KMO: variants seen among roughly 807,000 people sequenced by gnomAD.
The protein encoded by KMO is kynurenine 3-monooxygenase.
In KMO, 24 loss-of-function variants were observed where a neutral mutation model predicts 57.8. That is an observed-to-expected ratio of 0.42 (90% confidence interval 0.30 to 0.58). The LOEUF (loss-of-function observed/expected upper bound fraction) is 0.58, where lower values mean the gene tolerates loss of function less well. Ranked by LOEUF, KMO falls within the 20% of genes least tolerant of loss-of-function variation. The probability of loss-of-function intolerance (pLI) is 0.22; values close to 1 mark genes in which losing one functional copy is unlikely to be tolerated. For missense variants in KMO, 483 were observed against 588.2 expected (o/e 0.82, Z 1.85); for synonymous variants, 210 against 193.6 (o/e 1.08, Z -0.70).
intron 10 of KMO, among the ~76,000 whole-genome samples, chr1:241,580,995 A>T (rs1043186619): frequency 6.6e-6 from 1 of 151,992 alleles, no homozygotes; most frequent in African/African-American, 2.4e-5. Context: ...TTTGCTTTCT[A>T]TATCTGGGTG....
intron 1 of KMO, among the ~76,000 whole-genome samples, chr1:241,546,313 C>G (rs775828277): frequency 6.6e-6 from 1 of 152,176 alleles, no homozygotes; most frequent in Non-Finnish European, 1.5e-5. Flanking sequence ...AAGTCCTCAG[C>G]CTCTCTTGCA....
At position 241,566,586 on chromosome 1, in the gene KMO, T is replaced by A; in HGVS notation, c.783T>A (p.Phe261Leu). The change falls in exon 9 of 15, where the codon TTT becomes TTA. Residue 261 changes from phenylalanine (F) to leucine (L), a missense_variant. Physicochemically the swap from Phe to Leu is conservative, Grantham distance 22. Coordinates refer to ENST00000366559, the MANE Select transcript of KMO (RefSeq NM_003679.5). ...TGGTAGATTTCTTCCAGAAATACTT[T>A]CCGGATGCCATCCCTCTAATTGGAG... ...NDVVDFFQKY[F>L]PDAIPLIGEK... The A allele has an allele frequency of 6.2e-7, 1 of 1,613,978 alleles. No homozygotes were observed. The highest frequency in any genetic ancestry group is 8.5e-7 in the Non-Finnish European group (1 of 1,179,880).
At chr1:241,587,376 C>T (rs568679875) in intron 11 of KMO, among the ~76,000 whole-genome samples, 36 of 152,280 alleles carry the variant, frequency 2.4e-4, no homozygotes, top group African/African-American at 7.9e-4. Flanking sequence ...GGCCATGGAC[C>T]GAGGGTTGGG....
At position 241,594,736 on chromosome 1, in the gene KMO, C is replaced by T; in HGVS notation, c.*2583C>T. The T allele has an allele frequency of 6.3e-7, 1 of 1,587,716 alleles. No individual in the cohort carries two copies. Among genetic ancestry groups the T allele is most frequent in the Non-Finnish European group, 8.6e-7 (1 of 1,167,704 alleles). On this transcript the variant is annotated 3_prime_UTR_variant, in exon 15 of 15. Coordinates refer to ENST00000366559, the MANE Select transcript of KMO (RefSeq NM_003679.5). ...AGTGGAATATTAAGTAAAAGTTGGG[C>T]ACTAATCTGGATTAACATTCGAGGA...
At chr1:241,575,062 T>C (rs936420842) in intron 10 of KMO, among the ~76,000 whole-genome samples, 1 of 152,000 alleles carries the variant, frequency 6.6e-6, no homozygotes, top group South Asian at 2.1e-4. Flanking sequence ...CAAAAAGGTG[T>C]TCCTAGTAGT....
At chr1:241,574,493 A>G (rs552147655) in intron 10 of KMO, among the ~76,000 whole-genome samples, 36 of 150,826 alleles carry the variant, frequency 2.4e-4, no homozygotes, top group Non-Finnish European at 3.3e-4. Flanking sequence ...TCTGGATTTT[A>G]TAGAATGCTT....
intron 4 of KMO, among the ~76,000 whole-genome samples, chr1:241,554,797 C>A (rs1661548507): frequency 6.9e-6 from 1 of 145,148 alleles, no homozygotes; most frequent in African/African-American, 2.5e-5. Context: ...ATGGCAAAAC[C>A]CCATTTCTAC....
At chr1:241,581,744 T>C (rs568644855) in intron 10 of KMO, among the ~76,000 whole-genome samples, 1 of 152,250 alleles carries the variant, frequency 6.6e-6, no homozygotes, top group East Asian at 1.9e-4. Context: ...AAAAAGTTCT[T>C]GTAATTATTA....
At chr1:241,585,283 A>C (rs919211269) in intron 10 of KMO, among the ~76,000 whole-genome samples, 2 of 152,082 alleles carry the variant, frequency 1.3e-5, no homozygotes, top group African/African-American at 4.8e-5. Flanking sequence ...AATAATGTCT[A>C]CCTCAGAGAG....
intron 1 of KMO, among the ~76,000 whole-genome samples, chr1:241,543,962 GA>G (rs1453903068): frequency 6.6e-6 from 1 of 152,122 alleles, no homozygotes; most frequent in African/African-American, 2.4e-5. Flanking sequence ...TTTCATCAAA[GA>G]AAAAGAACGT....
intron 8 of KMO, 119 bp from the exon 9 acceptor site, chr1:241,566,372 G>T: frequency 1.8e-6 from 2 of 1,131,242 alleles, no homozygotes; most frequent in Non-Finnish European, 2.5e-6. Context: ...CTGTCTGCTT[G>T]GACATTCCTT....
In KMO at chr1:241,594,265, C is replaced by A; in HGVS notation, c.*2112C>A. ...ATTAAAAGAATTTGTTTTTGTTCAA[C>A]CTCTTCCTGAGGCCCAAGAGCATAT... On this transcript the variant is annotated 3_prime_UTR_variant, in exon 15 of 15. Coordinates refer to ENST00000366559, the MANE Select transcript of KMO (RefSeq NM_003679.5). 1 of 718,742 alleles carries A rather than the reference C, an allele frequency of 1.4e-6. No homozygotes were observed. The highest frequency in any genetic ancestry group is 2.7e-5 in the East Asian group (1 of 37,040). 44.5% of individuals were successfully genotyped at this position (718,742 alleles called of 1,614,324 possible).
At position 241,566,596 on chromosome 1, in the gene KMO, A is replaced by G; in HGVS notation, c.793A>G (p.Ile265Val). 1 of 1,613,908 alleles carries G rather than the reference A, an allele frequency of 6.2e-7. No individual in the cohort carries two copies. Among genetic ancestry groups the G allele is most frequent in the Non-Finnish European group, 8.5e-7 (1 of 1,179,844 alleles). Residue 265 changes from isoleucine (I) to valine (V), a missense_variant, in exon 9 of 15, where the codon ATC (isoleucine) becomes GTC (valine). This residue lies in a region of KMO where 410 missense variants were observed against 492.3 expected (regional missense o/e 0.83). Coordinates refer to ENST00000366559, the MANE Select transcript of KMO (RefSeq NM_003679.5). ...DFFQKYFPDA[I>V]PLIGEKLLVQ... is the part of the protein sequence containing the mutation. ...CTTCCAGAAATACTTTCCGGATGCCATCCCTCTAATTGGAGAGTAAGTTGC... is the reference window on the plus strand; with the variant it reads ...CTTCCAGAAATACTTTCCGGATGCCGTCCCTCTAATTGGAGAGTAAGTTGC...
At chr1:241,560,555 A>G (rs1221279775) in intron 5 of KMO, 110 bp from the exon 6 acceptor site, 26 of 752,800 alleles carry the variant, frequency 3.5e-5, no homozygotes, top group Non-Finnish European at 5.5e-5. Context: ...ATTGTTATGA[A>G]TAAAATTCTC....
In KMO at chr1:241,594,093, C is replaced by T. The variant is rs1029126296; in HGVS notation, c.*1940C>T. On this transcript the variant is annotated 3_prime_UTR_variant, in exon 15 of 15. Coordinates refer to ENST00000366559, the MANE Select transcript of KMO (RefSeq NM_003679.5). ...AGTTATTTTTACAGTAAGGTATTTT[C>T]GAGAAAAATGCATTACGTGTTTTGG... 2.4e-5 allele frequency: 6 copies of T among 252,218 alleles called. No individual in the cohort carries two copies. The highest frequency in any genetic ancestry group is 1.5e-4 in the Admixed American group (3 of 19,402). 15.6% of individuals were successfully genotyped at this position (252,218 alleles called of 1,614,324 possible). A position where few individuals can be genotyped will look rare whatever the true frequency, so the allele number is the denominator to read the frequency against.
At chr1:241,551,401 A>G (rs1661387676) in intron 4 of KMO, among the ~76,000 whole-genome samples, 1 of 152,216 alleles carries the variant, frequency 6.6e-6, no homozygotes, top group South Asian at 2.1e-4. Context: ...AGAACAATCT[A>G]GAAGGTTTCA....
chr1:241,541,527 A>G (rs1174357546), intron 1 of KMO, among the ~76,000 whole-genome samples: 1 of 152,188 alleles, frequency 6.6e-6, no homozygotes, highest in Non-Finnish European at 1.5e-5. Flanking sequence ...GATCAAGACT[A>G]GAGTAAAAGT....
rs1661582899 is a variant in KMO, at chr1:241,555,612, T to C, written c.313T>C (p.Tyr105His). The change falls in exon 5 of 15, where the codon TAT becomes CAT. Residue 105 changes from tyrosine (Y) to histidine (H), a missense_variant and splice_region_variant. Physicochemically the swap from Tyr to His is moderately conservative, Grantham distance 83. Coordinates refer to ENST00000366559, the MANE Select transcript of KMO (RefSeq NM_003679.5). ...AGTATCTACTCTACTTTTCTTGCAG[T>C]ATATTCTTTCTGTAAGCAGAGAAAA... ...SAIPYGTKSQ[Y>H]ILSVSRENLN... The C allele has an allele frequency of 1.3e-6, 2 of 1,537,186 alleles. No homozygotes were observed. The highest frequency in any genetic ancestry group is 3.3e-5 in the Admixed American group (2 of 59,806).
rs143816686 is a variant in KMO, at chr1:241,583,062, A to G, written c.958-3617A>G. ...CCTAGAGGCACAATGGTGCTTCTAAATGAAGCATTGTCCTAAAGGGAGAAT... is the reference window on the plus strand; with the variant it reads ...CCTAGAGGCACAATGGTGCTTCTAAGTGAAGCATTGTCCTAAAGGGAGAAT... On this transcript the variant is annotated intron_variant, in intron 10 of 14. Coordinates refer to ENST00000366559, the MANE Select transcript of KMO (RefSeq NM_003679.5). Among the ~76,000 whole-genome samples, 460 of 152,324 alleles carry G rather than the reference A, an allele frequency of 3.0e-3. 1 individual carries two copies. Among genetic ancestry groups the G allele is most frequent in the South Asian group, 0.01 (50 of 4,832 alleles).
Sources: gnomAD v4.1 joint callset for allele counts (sites outside exome capture counted in the v4.1 genomes callset) on GRCh38, gnomAD v4.1.1 for gene constraint, gnomAD v4.1.1 regional missense constraint, MANE v1.5 for transcripts, NCBI Gene and HGNC (gene_info 2026-07-23, HGNC 2026-07-21) for gene names.